The following RBM6 variants were observed in gnomAD, a reference collection of about 807,000 sequenced individuals.
RBM6 encodes the protein RNA binding motif protein 6, also known as RNA-binding protein 6.
Under a neutral mutation model 140.4 loss-of-function variants are expected in RBM6, and 23 were observed. That is an observed-to-expected ratio of 0.16 (90% CI 0.12 to 0.23). RBM6 has a LOEUF of 0.23. Among genes scored for constraint, RBM6 ranks in the 10% least tolerant of loss-of-function variants. The pLI is 1.00. For missense variants in RBM6, 1,139 were observed against 1,386.7 expected (o/e 0.82, Z 2.84); for synonymous variants, 439 against 475.6 (o/e 0.92, Z 1.00).
chr3:50,051,970 G>A (rs2089486397), intron 7 of RBM6, among the ~76,000 whole-genome samples: 1 of 152,204 alleles, frequency 6.6e-6, no homozygotes, highest in Non-Finnish European at 1.5e-5. Context: ...CTTTTGGGGT[G>A]ATGAAAATGT....
intron 5 of RBM6, among the ~76,000 whole-genome samples, chr3:49,989,272 A>G (rs2085704197): frequency 6.6e-6 from 1 of 152,166 alleles, no homozygotes; most frequent in African/African-American, 2.4e-5. Flanking sequence ...TTATATGCCA[A>G]TCGGTTAAAT....
At chr3:49,976,907 C>T (rs2085087633) in intron 5 of RBM6, among the ~76,000 whole-genome samples, 1 of 152,170 alleles carries the variant, frequency 6.6e-6, no homozygotes, top group South Asian at 2.1e-4. Context: ...ACGAAAAATA[C>T]CTTTCAGCAA....
chr3:49,977,237 G>T (rs895573077), intron 5 of RBM6, among the ~76,000 whole-genome samples: 1 of 152,086 alleles, frequency 6.6e-6, no homozygotes, highest in Non-Finnish European at 1.5e-5. Context: ...CTTTTCTCTT[G>T]TCTTTGACCA....
At chr3:49,989,313 G>T (rs2085705735) in intron 5 of RBM6, among the ~76,000 whole-genome samples, 1 of 152,118 alleles carries the variant, frequency 6.6e-6, no homozygotes, top group South Asian at 2.1e-4. Flanking sequence ...GGTGGCTCAT[G>T]CCTGTAATGC....
At chr3:50,048,417 A>T in intron 7 of RBM6, 98 bp downstream of exon 7, 1 of 1,517,694 alleles carries the variant, frequency 6.6e-7, no homozygotes, top group Non-Finnish European at 8.8e-7. Flanking sequence ...ATTCCCAAGG[A>T]CAAAGCTCTT....
At position 49,972,267 on chromosome 3, in the gene RBM6, AT is replaced by A. The variant is rs908732207; in HGVS notation, c.1413+126del. 5.0e-5 allele frequency: 38 copies of A among 763,626 alleles called. No homozygotes were observed. In the South Asian group the frequency reaches 6.8e-4, roughly 14 times the overall value. The allele number at this position is 763,626 out of a possible 1,614,324, so 47.3% of individuals were successfully genotyped here. ...AGAAATGCACAGAGAAGTCTTGTGT[AT>A]TTTTTTCCCATCTTCCCTCAGTGTT... is the stretch of plus-strand genomic sequence containing the variant. On this transcript the variant is annotated intron_variant, in intron 4 of 20. Transcript: ENST00000266022.
intron 5 of RBM6, among the ~76,000 whole-genome samples, chr3:49,991,214 T>TACACTCA (rs2085804321): frequency 6.6e-6 from 1 of 152,222 alleles, no homozygotes; most frequent in Admixed American, 6.5e-5. Context: ...AGGAGGGTCC[T>TACACTCA]GAGTGTTGAG....
intron 1 of RBM6, among the ~76,000 whole-genome samples, chr3:49,949,466 C>T (rs2108579585): frequency 6.6e-6 from 1 of 152,106 alleles, no homozygotes; most frequent in East Asian, 1.9e-4. Context: ...GATCGCAGCT[C>T]ATTGCAACCT....
chr3:50,038,801 C>G (rs2088696350), intron 6 of RBM6, among the ~76,000 whole-genome samples: 1 of 152,106 alleles, frequency 6.6e-6, no homozygotes, highest in African/African-American at 2.4e-5. Flanking sequence ...CCACTGCACT[C>G]CAGCCTAGGC....
At chr3:49,993,092 T>C (rs1414905634) in intron 5 of RBM6, among the ~76,000 whole-genome samples, 1 of 152,176 alleles carries the variant, frequency 6.6e-6, no homozygotes, top group Non-Finnish European at 1.5e-5. Flanking sequence ...TTGTCATGAC[T>C]TCCATTAGAT....
intron 1 of RBM6, among the ~76,000 whole-genome samples, chr3:49,960,332 C>T (rs1344735055): frequency 6.6e-6 from 1 of 152,128 alleles, no homozygotes; most frequent in Non-Finnish European, 1.5e-5. Context: ...GCTTTTTCTT[C>T]ATTGGATATT....
chr3:49,960,639 A>G (rs1240542606), intron 1 of RBM6, among the ~76,000 whole-genome samples: 2 of 152,164 alleles, frequency 1.3e-5, no homozygotes, highest in African/African-American at 4.8e-5. Flanking sequence ...CTTTTTCAGT[A>G]GCTATAACAA....
intron 6 of RBM6, among the ~76,000 whole-genome samples, chr3:50,032,204 C>T (rs533510109): frequency 1.2e-4 from 18 of 151,894 alleles, no homozygotes; most frequent in South Asian, 4.2e-4. Context: ...TTTTCCAGGC[C>T]GGGCACGGTG....
chr3:50,038,521 T>C (rs1360324070), intron 6 of RBM6, among the ~76,000 whole-genome samples: 1 of 152,116 alleles, frequency 6.6e-6, no homozygotes, highest in Non-Finnish European at 1.5e-5. Flanking sequence ...TCTCAGAATA[T>C]AAAAGTGTTA....
chr3:49,989,393 G>A (rs1279811933), intron 5 of RBM6, among the ~76,000 whole-genome samples: 5 of 152,004 alleles, frequency 3.3e-5, no homozygotes, highest in Non-Finnish European at 7.4e-5. Flanking sequence ...AGGGCAACAT[G>A]GTGAAACCCC....
At chr3:50,017,252 A>G (rs890691499) in intron 6 of RBM6, among the ~76,000 whole-genome samples, 2 of 152,104 alleles carry the variant, frequency 1.3e-5, no homozygotes, top group Non-Finnish European at 2.9e-5. Flanking sequence ...GAATGCACGT[A>G]TGTCTTCTTT....
At position 49,967,641 on chromosome 3, in the gene RBM6, T is replaced by G; in HGVS notation, c.216T>G (p.Ser72=). Reference sequence around the variant, plus strand: ...CTTTTGCAAATGTAGAGGAGCATTCTTTCAGCTATGGAGCTAGAGACGGAC... The same window carrying G: ...CTTTTGCAAATGTAGAGGAGCATTCGTTCAGCTATGGAGCTAGAGACGGAC... ...GPPFANVEEH[S]FSYGARDGPH... The change falls in exon 3 of 21, where the codon TCT becomes TCG. Residue 72 remains serine (S), a synonymous_variant. Coordinates refer to ENST00000266022, the MANE Select transcript of RBM6 (RefSeq NM_005777.3). This position sits in a 1 kb window ranked among gnomAD's most constrained non-coding sequence, Gnocchi z 4.0. 1 of 1,614,164 alleles carries G rather than the reference T, an allele frequency of 6.2e-7. No individual in the cohort carries two copies. Among genetic ancestry groups the G allele is most frequent in the Non-Finnish European group, 8.5e-7 (1 of 1,180,050 alleles).
At chr3:49,987,451 G>A (rs1297521757) in intron 5 of RBM6, among the ~76,000 whole-genome samples, 1 of 151,848 alleles carries the variant, frequency 6.6e-6, no homozygotes, top group Non-Finnish European at 1.5e-5. Flanking sequence ...GAGTAGCTGG[G>A]ATTACAGGTG....
At chr3:50,031,727 TA>T (rs1349697804) in intron 6 of RBM6, among the ~76,000 whole-genome samples, 3 of 150,246 alleles carry the variant, frequency 2.0e-5, no homozygotes, top group Admixed American at 6.6e-5. Context: ...ACTTAAAGTA[TA>T]AAAAAAAAGA....
Sources: allele counts gnomAD v4.1 joint callset (sites outside exome capture counted in the v4.1 genomes callset), GRCh38; gene constraint gnomAD v4.1.1; non-coding constraint Gnocchi (gnomAD v3.1); transcripts MANE v1.5; gene names NCBI Gene and HGNC (gene_info 2026-07-23, HGNC 2026-07-21).